TRAF2: variants seen among roughly 807,000 people sequenced by gnomAD.
TRAF2 encodes TNF receptor-associated factor 2.
In TRAF2, 6 loss-of-function variants were observed where a neutral mutation model predicts 55.6. The ratio of observed to expected loss-of-function variants is 0.11; its 90% CI spans 0.06 to 0.21. The LOEUF is 0.21. Ranked by LOEUF, TRAF2 falls within the 10% of genes least tolerant of loss-of-function variation. The pLI, the probability that TRAF2 is intolerant of heterozygous loss-of-function variation, is 1.00. For synonymous variants in TRAF2, 329 were observed against 276.3 expected (o/e 1.19, Z -1.89); for missense variants, 561 against 684.5 (o/e 0.82, Z 2.01).
At position 136,921,097 on chromosome 9, in the gene TRAF2, G is replaced by A. The variant is rs1850373589; in HGVS notation, c.1020G>A (p.Gln340=). ...ACCTGGCGATGGCTGACTTGGAGCA[G>A]AAGGTCTTGGAGATGGAGGCATCCA... is the stretch of plus-strand genomic sequence containing the variant. ...LKDLAMADLE[Q]KVLEMEASTY... The change falls in exon 9 of 11, where the codon CAG becomes CAA. Residue 340 remains glutamine, a synonymous_variant. Coordinates refer to ENST00000247668, the MANE Select transcript of TRAF2 (RefSeq NM_021138.4). 3 of 1,613,994 alleles carry A rather than the reference G, an allele frequency of 1.9e-6. No homozygotes were observed. The highest frequency in any genetic ancestry group is 3.3e-5 in the Admixed American group (2 of 60,006).
At chr9:136,919,678 CCTT>C (rs1313620429) in intron 7 of TRAF2, among the ~76,000 whole-genome samples, 1 of 97,422 alleles carries the variant, frequency 1.0e-5, no homozygotes, top group Non-Finnish European at 2.0e-5. Context: ...CTTTCCCTCC[CCTT>C]CTTCCCTTCA....
In TRAF2 at chr9:136,900,484, T is replaced by C. The variant is rs1849793197; in HGVS notation, c.330T>C (p.Asp110=). 1 of 1,613,814 alleles carries C rather than the reference T, an allele frequency of 6.2e-7. No individual in the cohort carries two copies. The highest frequency in any genetic ancestry group is 8.5e-7 in the Non-Finnish European group (1 of 1,179,922). The part of the protein sequence containing the change: ...VESLPAVCPS[D]GCTWKGTLKE... The stretch of plus-strand genomic sequence containing the variant: ...GCCTGCCGGCCGTCTGTCCCAGTGA[T>C]GGATGCACCTGGAAGGGGACCCTGA... Residue 110 remains aspartate (D), a synonymous_variant, in exon 4 of 11, where the codon GAT becomes GAC. Coordinates refer to ENST00000247668, the MANE Select transcript of TRAF2 (RefSeq NM_021138.4).
intron 1 of TRAF2, among the ~76,000 whole-genome samples, chr9:136,888,513 T>C (rs563807489): frequency 6.6e-6 from 1 of 152,232 alleles, no homozygotes; most frequent in African/African-American, 2.4e-5. Context: ...GGTGGAGACA[T>C]GAATTGAGGT....
chr9:136,909,141 T>C (rs1413126966), intron 5 of TRAF2, among the ~76,000 whole-genome samples: 1 of 152,076 alleles, frequency 6.6e-6, no homozygotes, highest in Non-Finnish European at 1.5e-5. Context: ...GAGAGTGCGG[T>C]GGTGGGTGTG....
chr9:136,920,985 G>T, intron 8 of TRAF2, 53 bp from the exon 9 acceptor site: 2 of 1,599,626 alleles, frequency 1.3e-6, no homozygotes, highest in Non-Finnish European at 8.5e-7. Context: ...GGAGGCAGGG[G>T]CTCGTGCCCG....
intron 4 of TRAF2, among the ~76,000 whole-genome samples, chr9:136,905,220 G>A (rs1278935161): frequency 6.6e-6 from 1 of 152,194 alleles, no homozygotes; most frequent in African/African-American, 2.4e-5. Context: ...GTCCTCTGCT[G>A]CCCTGGCCTC....
At chr9:136,889,139 G>C (rs774972994) in intron 1 of TRAF2, among the ~76,000 whole-genome samples, 3 of 151,940 alleles carry the variant, frequency 2.0e-5, no homozygotes, top group Non-Finnish European at 4.4e-5. Context: ...GGGATTACAG[G>C]TGTGAGCCAC....
At chr9:136,889,254 G>C (rs1320475104) in intron 1 of TRAF2, among the ~76,000 whole-genome samples, 1 of 123,076 alleles carries the variant, frequency 8.1e-6, no homozygotes, top group East Asian at 2.3e-4. Flanking sequence ...GTCTCGCTCT[G>C]TCCCCCGGTG....
Position 136,910,003 on chromosome 9 carries a change from C to T in TRAF2, c.603+9C>T, listed in dbSNP as rs554439573. ...AGATCCCCCGGGAGAAGGTGAGTGT[C>T]CTTCACCTCCTTGGAGGACCGCAGG... On this transcript the variant is annotated intron_variant, in intron 6 of 10. Transcript: ENST00000247668. 6.2e-7 allele frequency: 1 copy of T among 1,612,936 alleles called. No individual in the cohort carries two copies. Among genetic ancestry groups the T allele is most frequent in the East Asian group, 2.2e-5 (1 of 44,826 alleles).
In TRAF2 at chr9:136,900,373, G is replaced by T. The variant is rs746035839; in HGVS notation, c.268-49G>T. ...GTGTGGTCTGTGTTCCTTGGTTGCT[G>T]CAGGGAGTCTGGGAGGAGGTTTAAC... On this transcript the variant is annotated intron_variant, in intron 3 of 10. Coordinates refer to ENST00000247668, the MANE Select transcript of TRAF2 (RefSeq NM_021138.4). The T allele has an allele frequency of 2.9e-6, 4 of 1,391,540 alleles. No homozygotes were observed. In the South Asian group the frequency reaches 5.4e-5, roughly 19 times the overall value. The allele number at this position is 1,391,540 out of a possible 1,614,324, so 86.2% of individuals were successfully genotyped here. A position where few individuals can be genotyped will look rare whatever the true frequency, so the allele number is the denominator to read the frequency against.
upstream of TRAF2, among the ~76,000 whole-genome samples, chr9:136,885,555 G>A (rs1026476128): frequency 6.6e-6 from 1 of 152,160 alleles, no homozygotes; most frequent in Admixed American, 6.5e-5. Context: ...TTCACTTGAG[G>A]TCGGGAGTTC....
At chr9:136,908,806 C>CT (rs1233697990) in intron 5 of TRAF2, among the ~76,000 whole-genome samples, 1 of 143,202 alleles carries the variant, frequency 7.0e-6, no homozygotes, top group African/African-American at 2.6e-5. Context: ...GGAGGCGGAG[C>CT]TTGCAGTGAG....
chr9:136,911,500 G>A (rs1177577483), intron 6 of TRAF2, among the ~76,000 whole-genome samples: 2 of 152,088 alleles, frequency 1.3e-5, no homozygotes, highest in Non-Finnish European at 2.9e-5. Context: ...CCCAACTTTA[G>A]GTGATCCACC....
chr9:136,920,127 C>T (rs957856806), intron 7 of TRAF2, 107 bp from the exon 8 acceptor site: 3 of 1,390,034 alleles, frequency 2.2e-6, no homozygotes, highest in Non-Finnish European at 1.9e-6. Flanking sequence ...TATCTATGAC[C>T]CTGGCCTGTC....
intron 5 of TRAF2, among the ~76,000 whole-genome samples, chr9:136,908,654 C>T (rs1850018527): frequency 6.6e-6 from 1 of 152,142 alleles, no homozygotes; most frequent in African/African-American, 2.4e-5. Flanking sequence ...ATCACGAGGT[C>T]AGGAGCTCGA....
chr9:136,926,491 C>T lies in TRAF2; in HGVS notation c.*590C>T, dbSNP rs1233081953. The T allele has an allele frequency of 4.4e-6, 1 of 229,614 alleles. No individual in the cohort carries two copies. Among genetic ancestry groups the T allele is most frequent in the Non-Finnish European group, 8.8e-6 (1 of 113,454 alleles). 14.2% of individuals were successfully genotyped at this position (229,614 alleles called of 1,614,324 possible). The stretch of plus-strand genomic sequence containing the variant: ...GGCTGGCTGTGGGAGAGGGTCTGGT[C>T]CCACGCCGCCTCTGCTCAGACCACT... On this transcript the variant is annotated 3_prime_UTR_variant, in exon 11 of 11. Transcript: ENST00000247668.
chr9:136,918,252 TATATA>T lies in TRAF2; in HGVS notation c.678+1638_678+1642del, dbSNP rs1564419468. Reference sequence around the variant, plus strand: ...TTATATATATATATATATATATATATATATATTTATTTAATTAATTAATTTATTTA... The same window carrying T: ...TTATATATATATATATATATATATATTTTATTTAATTAATTAATTTATTTA... On this transcript the variant is annotated intron_variant, in intron 7 of 10. Transcript: ENST00000247668. Among the ~76,000 whole-genome samples, 8 of 47,772 alleles carry T rather than the reference TATATA, an allele frequency of 1.7e-4. No individual in the cohort carries two copies. The East Asian group carries it at 5.3e-3, about 31-fold the overall frequency. 31.3% of individuals were successfully genotyped at this position (47,772 alleles called of 152,430 possible). A position where few individuals can be genotyped will look rare whatever the true frequency, so the allele number is the denominator to read the frequency against.
intron 1 of TRAF2, among the ~76,000 whole-genome samples, chr9:136,897,444 G>A (rs2784080): frequency 0.79 from 120,410 of 151,720 alleles, 47,984 homozygotes; most frequent in East Asian, 0.87. Flanking sequence ...TGTATCGTCT[G>A]AAGTGAGGGA....
At chr9:136,923,628 A>C (rs1011168462) in intron 9 of TRAF2, among the ~76,000 whole-genome samples, 5 of 151,722 alleles carry the variant, frequency 3.3e-5, no homozygotes, top group South Asian at 4.2e-4. Context: ...AAAAAAAAAA[A>C]AAAAAAACTT....
Sources: gnomAD v4.1 joint callset for allele counts (sites outside exome capture counted in the v4.1 genomes callset) on GRCh38, gnomAD v4.1.1 for gene constraint, MANE v1.5 for transcripts, NCBI Gene and HGNC (gene_info 2026-07-23, HGNC 2026-07-21) for gene names.